The following ZFP64 variants were observed in gnomAD, a reference collection of about 807,000 sequenced individuals.
The protein encoded by ZFP64 is ZFP64 zinc finger protein.
Under a neutral mutation model 51.6 loss-of-function variants are expected in ZFP64, and 14 were observed. That is an observed-to-expected ratio of 0.27 (90% CI 0.18 to 0.42). The LOEUF is 0.42. Ranked by LOEUF, ZFP64 falls within the 10% of genes least tolerant of loss-of-function variation. The pLI, the probability that ZFP64 is intolerant of heterozygous loss-of-function variation, is 1.00. For missense variants in ZFP64, 754 were observed against 906.8 expected (o/e 0.83, Z 2.16); for synonymous variants, 375 against 361.4 (o/e 1.04, Z -0.43).
chr20:52,133,258 A>C (rs375925995), intron 5 of ZFP64, among the ~76,000 whole-genome samples: 3 of 152,318 alleles, frequency 2.0e-5, no homozygotes, highest in African/African-American at 7.2e-5. Flanking sequence ...CATAACTAAT[A>C]GGGAAAAACT....
At position 52,097,536 on chromosome 20, in the gene ZFP64, C is replaced by A. The variant is rs2122749339; in HGVS notation, c.914-101G>T. 12 of 1,059,994 alleles carry A rather than the reference C, an allele frequency of 1.1e-5. No individual in the cohort carries two copies. The Middle Eastern group carries it at 9.6e-4, about 85-fold the overall frequency. The allele number at this position is 1,059,994 out of a possible 1,614,324, so 65.7% of individuals were successfully genotyped here. A position where few individuals can be genotyped will look rare whatever the true frequency, so the allele number is the denominator to read the frequency against. On this transcript the variant is annotated intron_variant, in intron 6 of 8. Coordinates refer to the ZFP64 transcript ENST00000361387. ...GTGGCTCCATCTCGGCTCACTGCAA[C>A]CTCCGCCTCCCGGGTTCAAGAGATT...
intron 2 of ZFP64, among the ~76,000 whole-genome samples, chr20:52,180,957 C>T (rs60423794): frequency 1.9e-3 from 287 of 152,236 alleles, no homozygotes; most frequent in African/African-American, 6.5e-3. Context: ...GATGGACTCT[C>T]GCTCTGTCGC....
intron 5 of ZFP64, among the ~76,000 whole-genome samples, chr20:52,157,039 G>C (rs1981378077): frequency 6.6e-6 from 1 of 152,166 alleles, no homozygotes; most frequent in Non-Finnish European, 1.5e-5. Context: ...AGCTTCTCCA[G>C]CCAGCTTTCC....
chr20:52,104,728 A>C (rs1336735819), intron 5 of ZFP64: 1 of 493,136 alleles, frequency 2.0e-6, no homozygotes, highest in Admixed American at 2.2e-5. Flanking sequence ...TCCCTGGACA[A>C]CGCATTTGAA....
chr20:52,141,298 T>C (rs1980243457), intron 5 of ZFP64, among the ~76,000 whole-genome samples: 1 of 152,228 alleles, frequency 6.6e-6, no homozygotes, highest in African/African-American at 2.4e-5. Context: ...GCGGTGATAG[T>C]GATTCCTCTG....
exon 9 of ZFP64, chr20:52,084,575 C>A: frequency 1.2e-6 from 2 of 1,613,168 alleles, no homozygotes; most frequent in South Asian, 2.2e-5. Flanking sequence ...CTTGGCTGGG[C>A]TCTAGGGGAG....
rs971791710 is a variant in ZFP64 at position 52,111,856 on chromosome 20, T to G, written c.764-13269A>C. ...CAGCACTTTGGGAGGCTGAGGCGGGTGGATCACCTGAGGTCAGAAGTTTGA... is the reference window on the plus strand; with the variant it reads ...CAGCACTTTGGGAGGCTGAGGCGGGGGGATCACCTGAGGTCAGAAGTTTGA... On this transcript the variant is annotated intron_variant, in intron 5 of 8. Transcript: ENST00000361387. Among the ~76,000 whole-genome samples, 165 of 151,532 alleles carry G rather than the reference T, an allele frequency of 1.1e-3. No individual in the cohort carries two copies. The Middle Eastern group carries it at 0.017, about 16-fold the overall frequency.
chr20:52,117,548 G>A (rs1978940613), intron 5 of ZFP64: 1 of 423,034 alleles, frequency 2.4e-6, no homozygotes, highest in Non-Finnish European at 4.7e-6. Flanking sequence ...GAACCCAGGA[G>A]GTGGAGGTTG....
chr20:52,133,618 C>T (rs76729978), intron 5 of ZFP64, among the ~76,000 whole-genome samples: 1,558 of 152,240 alleles, frequency 0.01, 29 homozygotes, highest in African/African-American at 0.036. Flanking sequence ...ACAATAGCCA[C>T]ACACAAAATT....
chr20:52,166,587 T>C (rs1163957078), intron 2 of ZFP64, among the ~76,000 whole-genome samples: 1 of 152,040 alleles, frequency 6.6e-6, no homozygotes, highest in Non-Finnish European at 1.5e-5. Flanking sequence ...CACAAGCAGC[T>C]GGGACTATAG....
chr20:52,188,417 C>A (rs1461379618), intron 1 of ZFP64, among the ~76,000 whole-genome samples: 1 of 148,086 alleles, frequency 6.8e-6, no homozygotes, highest in Non-Finnish European at 1.5e-5. Flanking sequence ...CGGGTTCACG[C>A]CATTCTCCTG....
intron 5 of ZFP64, among the ~76,000 whole-genome samples, chr20:52,107,535 C>A (rs974437512): frequency 2.6e-5 from 4 of 152,112 alleles, no homozygotes; most frequent in Admixed American, 6.5e-5. Flanking sequence ...AGATCTCATT[C>A]ATTTGCTTTG....
At chr20:52,117,637 A>G (rs1978947089) in intron 5 of ZFP64, 1 of 456,406 alleles carries the variant, frequency 2.2e-6, no homozygotes, top group African/African-American at 2.0e-5. Flanking sequence ...ACAAAACAAA[A>G]CACAAAAAAG....
At chr20:52,097,006 G>C in intron 7 of ZFP64, 1 of 583,508 alleles carries the variant, frequency 1.7e-6, no homozygotes, top group South Asian at 1.4e-5. Context: ...GAAGGAGCAT[G>C]CCAACAGGCT....
intron 2 of ZFP64, among the ~76,000 whole-genome samples, chr20:52,185,915 T>G (rs1201807179): frequency 6.6e-6 from 1 of 152,156 alleles, no homozygotes; most frequent in Non-Finnish European, 1.5e-5. Context: ...TTTACTGGTT[T>G]TAGCAGTTCT....
chr20:52,129,257 CT>C (rs949974189), intron 5 of ZFP64, among the ~76,000 whole-genome samples: 94 of 150,640 alleles, frequency 6.2e-4, no homozygotes, highest in Non-Finnish European at 1.1e-3. Flanking sequence ...AATTTTTTTT[CT>C]TTTTTTCTTT....
chr20:52,109,139 CT>C (rs1447464498), intron 5 of ZFP64, among the ~76,000 whole-genome samples: 1 of 151,536 alleles, frequency 6.6e-6, no homozygotes, highest in African/African-American at 2.4e-5. Flanking sequence ...CAGGGAAGCT[CT>C]TTTTTTTAGA....
chr20:52,162,280 AGAGT>A (rs1981874647), intron 4 of ZFP64, among the ~76,000 whole-genome samples: 2 of 152,024 alleles, frequency 1.3e-5, no homozygotes, highest in African/African-American at 4.8e-5. Context: ...CCTGGGTGAC[AGAGT>A]GAGACTCCAT....
At chr20:52,131,672 C>T (rs776518297) in intron 5 of ZFP64, among the ~76,000 whole-genome samples, 14 of 152,276 alleles carry the variant, frequency 9.2e-5, no homozygotes, top group Middle Eastern at 3.4e-3. Flanking sequence ...AAAGATATCG[C>T]AGTTTTAAAT....
Sources: gnomAD v4.1 joint callset for allele counts (sites outside exome capture counted in the v4.1 genomes callset) on GRCh38, gnomAD v4.1.1 for gene constraint, MANE v1.5 for transcripts, NCBI Gene and HGNC (gene_info 2026-07-23, HGNC 2026-07-21) for gene names.